CLEC16A: variants seen among roughly 807,000 people sequenced by gnomAD.
The protein encoded by CLEC16A is protein CLEC16A.
In CLEC16A, 51 loss-of-function variants were observed where a neutral mutation model predicts 109.5. That is an observed-to-expected ratio of 0.47 (90% CI 0.37 to 0.59). The LOEUF (loss-of-function observed/expected upper bound fraction) is 0.59, where lower values mean the gene tolerates loss of function less well. Among genes scored for constraint, CLEC16A ranks in the 20% least tolerant of loss-of-function variants. CLEC16A has a pLI of 0.00. For missense variants in CLEC16A, 1,339 were observed against 1,394.0 expected, an observed-to-expected ratio of 0.96 and a Z score of 0.63; for synonymous variants, 673 against 564.2, an observed-to-expected ratio of 1.19 and a Z score of -2.73.
At chr16:11,067,431 C>T (rs2048833832) in intron 19 of CLEC16A, among the ~76,000 whole-genome samples, 1 of 151,412 alleles carries the variant, frequency 6.6e-6, no homozygotes, top group African/African-American at 2.4e-5. Context: ...GGTGTGGGTG[C>T]CGAGAAGTGG....
chr16:11,008,786 C>G (rs1016891722), intron 11 of CLEC16A, among the ~76,000 whole-genome samples: 4 of 143,628 alleles, frequency 2.8e-5, no homozygotes, highest in Non-Finnish European at 4.5e-5. Flanking sequence ...GTCAGGAGAT[C>G]GAGACCCTCC....
At chr16:10,971,521 A>C in intron 5 of CLEC16A, 1 of 983,108 alleles carries the variant, frequency 1.0e-6, no homozygotes, top group Non-Finnish European at 1.2e-6. Flanking sequence ...GAATTTGAGA[A>C]AGCAAAGTTG....
intron 10 of CLEC16A, among the ~76,000 whole-genome samples, chr16:10,987,029 T>C (rs2043710482): frequency 6.6e-6 from 1 of 152,080 alleles, no homozygotes; most frequent in South Asian, 2.1e-4. Context: ...ATTTTGTTTG[T>C]ATTTTTAGTA....
chr16:11,093,029 A>G (rs150297362), intron 19 of CLEC16A, among the ~76,000 whole-genome samples: 2 of 152,186 alleles, frequency 1.3e-5, no homozygotes, highest in East Asian at 1.9e-4. Flanking sequence ...GAGCATCCTT[A>G]CCTGGGCAAT....
intron 10 of CLEC16A, among the ~76,000 whole-genome samples, chr16:11,001,680 CA>C: frequency 6.6e-6 from 1 of 152,320 alleles, no homozygotes; most frequent in Non-Finnish European, 1.5e-5. Flanking sequence ...TTCTGTCGCC[CA>C]GGCTGGATGG....
chr16:11,009,118 A>G (rs76048625), intron 11 of CLEC16A, among the ~76,000 whole-genome samples: 14,175 of 152,014 alleles, frequency 0.093, 688 homozygotes, highest in East Asian at 0.11. Context: ...TCCCCACCCC[A>G]CCCTTTGATG....
Position 11,174,253 on chromosome 16 carries a change from G to A in CLEC16A, c.2807-4082G>A, listed in dbSNP as rs1356044198. ...TAGTGCTCCGAACGGCAGCTGCCAC[G>A]GCACCTCACGCACAGTCAATTCAGG... On this transcript the variant is annotated intron_variant, in intron 23 of 23. Coordinates refer to ENST00000409790, the MANE Select transcript of CLEC16A (RefSeq NM_015226.3). This position sits in a 1 kb window ranked among gnomAD's most constrained non-coding sequence, Gnocchi z 4.7. The A allele has an allele frequency of 1.9e-5, 9 of 465,828 alleles. No individual in the cohort carries two copies. The highest frequency in any genetic ancestry group is 6.2e-5 in the South Asian group (4 of 64,560). The allele number at this position is 465,828 out of a possible 1,614,324, so 28.9% of individuals were successfully genotyped here.
intron 1 of CLEC16A, among the ~76,000 whole-genome samples, chr16:10,951,969 C>CA (rs989653744): frequency 9.9e-5 from 15 of 151,980 alleles, no homozygotes; most frequent in African/African-American, 2.9e-4. Flanking sequence ...TGTCAATAAC[C>CA]AAAAAAAGTG....
chr16:11,125,677 T>C (rs1377535425), intron 21 of CLEC16A, among the ~76,000 whole-genome samples: 1 of 152,186 alleles, frequency 6.6e-6, no homozygotes, highest in Non-Finnish European at 1.5e-5. Context: ...AAGCTGAGAA[T>C]CCAAAGTGGA....
chr16:11,003,357 C>G lies in CLEC16A; in HGVS notation c.1303+52C>G, dbSNP rs1051237320. 2.0e-6 allele frequency: 3 copies of G among 1,494,400 alleles called. No individual in the cohort carries two copies. In the African/African-American group the frequency reaches 4.2e-5, roughly 21 times the overall value. The allele number at this position is 1,494,400 out of a possible 1,614,324, so 92.6% of individuals were successfully genotyped here. On this transcript the variant is annotated intron_variant, in intron 11 of 23. Transcript: ENST00000409790. Reference sequence around the variant, plus strand: ...GTGCCTGCGCCGCCAGCCAGCCCGCCAGCGAGGCTGCCACCTGTGCCCTCT... The same window carrying G: ...GTGCCTGCGCCGCCAGCCAGCCCGCGAGCGAGGCTGCCACCTGTGCCCTCT...
intron 10 of CLEC16A, among the ~76,000 whole-genome samples, chr16:10,986,052 A>T (rs1177246038): frequency 1.6e-4 from 5 of 30,728 alleles, no homozygotes; most frequent in African/African-American, 6.0e-4. Flanking sequence ...TTTTTTTGAG[A>T]CTGAGTCTCG....
chr16:11,049,416 T>C (rs1280921078), intron 17 of CLEC16A, among the ~76,000 whole-genome samples: 1 of 152,138 alleles, frequency 6.6e-6, no homozygotes, highest in Non-Finnish European at 1.5e-5. Flanking sequence ...CAACAAATAC[T>C]CATGGGTCTA....
At position 11,182,027 on chromosome 16, in the gene CLEC16A, A is replaced by G. The variant is rs1046307795; in HGVS notation, c.*3337A>G. 1 of 152,534 alleles carries G rather than the reference A, an allele frequency of 6.6e-6. No homozygotes were observed. The highest frequency in any genetic ancestry group is 6.5e-5 in the Admixed American group (1 of 15,280). 9.4% of individuals were successfully genotyped at this position (152,534 alleles called of 1,614,324 possible). A position where few individuals can be genotyped will look rare whatever the true frequency, so the allele number is the denominator to read the frequency against. ...TGTCCCAGTGAGAACCGAGGGTTAG[A>G]AAACCTCGATGCCTCTGAGCCTCGG... On this transcript the variant is annotated 3_prime_UTR_variant, in exon 24 of 24. Transcript: ENST00000409790.
chr16:10,972,051 A>AC (rs2042815663), intron 5 of CLEC16A, among the ~76,000 whole-genome samples: 1 of 152,226 alleles, frequency 6.6e-6, no homozygotes, highest in Non-Finnish European at 1.5e-5. Context: ...AACTGGACCC[A>AC]CCCAGGGGTC....
rs559490540 is a variant in CLEC16A, at chr16:11,002,998, C to T, written c.1072-76C>T. 4.2e-5 allele frequency: 52 copies of T among 1,239,926 alleles called. No individual in the cohort carries two copies. The African/African-American group carries it at 7.0e-4, about 17-fold the overall frequency. The allele number at this position is 1,239,926 out of a possible 1,614,324, so 76.8% of individuals were successfully genotyped here. A position where few individuals can be genotyped will look rare whatever the true frequency, so the allele number is the denominator to read the frequency against. ...GGAGATGAGTTTCTTAGGACAGAAA[C>T]TTTTGGGCAACTTGATAGCATCCAG... On this transcript the variant is annotated intron_variant, in intron 10 of 23. Coordinates refer to ENST00000409790, the MANE Select transcript of CLEC16A (RefSeq NM_015226.3).
chr16:11,139,451 A>AT (rs1368611224), intron 22 of CLEC16A, among the ~76,000 whole-genome samples: 3 of 152,066 alleles, frequency 2.0e-5, no homozygotes, highest in Non-Finnish European at 1.5e-5. Flanking sequence ...ACACAGTATT[A>AT]TTTTTTTTAA....
chr16:11,073,017 A>C (rs1567279021), intron 19 of CLEC16A, among the ~76,000 whole-genome samples: 1 of 152,216 alleles, frequency 6.6e-6, no homozygotes. Flanking sequence ...AATCAGACCC[A>C]GATGGCTCCT....
intron 17 of CLEC16A, chr16:11,047,867 G>A (rs1425196597): frequency 6.6e-6 from 1 of 152,286 alleles, no homozygotes; most frequent in Non-Finnish European, 1.5e-5. Context: ...TTCACAGGGT[G>A]ACAGGAGAGA....
At chr16:10,944,858 T>C (rs1042444612) in intron 1 of CLEC16A, 61 bp downstream of exon 1, 2 of 1,441,272 alleles carry the variant, frequency 1.4e-6, no homozygotes, top group South Asian at 2.5e-5. Context: ...GGCGCCGAGC[T>C]CCGGGTCGGG....
Sources: gnomAD v4.1 joint callset for allele counts (sites outside exome capture counted in the v4.1 genomes callset) on GRCh38, gnomAD v4.1.1 for gene constraint, Gnocchi (gnomAD v3.1) non-coding constraint, MANE v1.5 for transcripts, NCBI Gene and HGNC (gene_info 2026-07-23, HGNC 2026-07-21) for gene names.